The following ETV6 variants were observed in gnomAD, a reference collection of about 807,000 sequenced individuals.
ETV6 encodes ETS variant transcription factor 6, also known as transcription factor ETV6.
Under a neutral mutation model 51.1 loss-of-function variants are expected in ETV6, and 16 were observed. That is an observed-to-expected ratio of 0.31 (90% CI 0.21 to 0.48). ETV6 has a LOEUF of 0.48. Ranked by LOEUF, ETV6 falls within the 20% of genes least tolerant of loss-of-function variation. The probability of loss-of-function intolerance (pLI) is 0.99; values close to 1 mark genes in which losing one functional copy is unlikely to be tolerated. For missense variants in ETV6, 458 were observed against 594.8 expected, an observed-to-expected ratio of 0.77 and a Z score of 2.39; for synonymous variants, 240 against 224.1, an observed-to-expected ratio of 1.07 and a Z score of -0.64.
At chr12:11,722,101 A>G (rs1172351066) in intron 1 of ETV6, among the ~76,000 whole-genome samples, 2 of 152,204 alleles carry the variant, frequency 1.3e-5, no homozygotes, top group Non-Finnish European at 1.5e-5. Context: ...ACTTGACTGT[A>G]TCTGATAATT....
chr12:11,846,914 C>T (rs1268116273), intron 3 of ETV6, among the ~76,000 whole-genome samples: 1 of 152,124 alleles, frequency 6.6e-6, no homozygotes, highest in African/African-American at 2.4e-5. Flanking sequence ...GCTCTGTCGC[C>T]CAGGCTGGAG....
chr12:11,868,415 T>TG (rs200559708), intron 4 of ETV6, among the ~76,000 whole-genome samples: 3 of 149,638 alleles, frequency 2.0e-5, no homozygotes, highest in Admixed American at 6.7e-5. Flanking sequence ...GTCATAAGGT[T>TG]GGGGGTTTTT....
At chr12:11,827,109 C>CACACACAA (rs1389820925) in intron 2 of ETV6, among the ~76,000 whole-genome samples, 2 of 146,936 alleles carry the variant, frequency 1.4e-5, no homozygotes, top group African/African-American at 5.2e-5. Flanking sequence ...CACACACACA[C>CACACACAA]ACAAATGCAA....
intron 2 of ETV6, among the ~76,000 whole-genome samples, chr12:11,792,756 T>G (rs1320182556): frequency 6.6e-6 from 1 of 152,036 alleles, no homozygotes; most frequent in African/African-American, 2.4e-5. Context: ...TTTTCATTCA[T>G]CTACTGTAAA....
intron 1 of ETV6, among the ~76,000 whole-genome samples, chr12:11,661,559 A>G (rs1306914951): frequency 6.6e-6 from 1 of 152,220 alleles, no homozygotes; most frequent in Non-Finnish European, 1.5e-5. Flanking sequence ...CAGGCTGGGT[A>G]AGTCTCCTGT....
At chr12:11,826,873 C>T (rs755478469) in intron 2 of ETV6, among the ~76,000 whole-genome samples, 2 of 152,080 alleles carry the variant, frequency 1.3e-5, no homozygotes, top group Non-Finnish European at 2.9e-5. Context: ...GTTTAGCTTT[C>T]CTGACTCCAA....
Position 11,841,794 on chromosome 12 carries a change from A to T in ETV6, c.328+2490A>T, listed in dbSNP as rs183777901. On this transcript the variant is annotated intron_variant, in intron 3 of 7. Coordinates refer to ENST00000396373, the MANE Select transcript of ETV6 (RefSeq NM_001987.5). Reference sequence around the variant, plus strand: ...GAGATGAGGAAGCATGTTAAGAAGGAGATGTAGGCCGGGCGCGGTGGCTCA... The same window carrying T: ...GAGATGAGGAAGCATGTTAAGAAGGTGATGTAGGCCGGGCGCGGTGGCTCA... Among the ~76,000 whole-genome samples the T allele has an allele frequency of 1.3e-4, 20 of 152,284 alleles. No individual in the cohort carries two copies. The East Asian group carries it at 3.9e-3, about 29-fold the overall frequency.
rs1012315559 is a variant in ETV6 at position 11,891,252 on chromosome 12, C to T, written c.*206C>T. ...AGCACAGGCGGGGCTGGAATTCTGG[C>T]GGAGGGCATGAGCCTGGGACTCCAT... is the stretch of plus-strand genomic sequence containing the variant. On this transcript the variant is annotated 3_prime_UTR_variant, in exon 8 of 8. Transcript: ENST00000396373. 29 of 514,498 alleles carry T rather than the reference C, an allele frequency of 5.6e-5. No homozygotes were observed. The Admixed American group carries it at 7.2e-4, about 13-fold the overall frequency. 31.9% of individuals were successfully genotyped at this position (514,498 alleles called of 1,614,324 possible). A position where few individuals can be genotyped will look rare whatever the true frequency, so the allele number is the denominator to read the frequency against.
chr12:11,864,879 C>T (rs1289653153), intron 4 of ETV6, among the ~76,000 whole-genome samples: 1 of 152,160 alleles, frequency 6.6e-6, no homozygotes, highest in Non-Finnish European at 1.5e-5. Context: ...TCATGTCTTC[C>T]TCTGTGGTCT....
At chr12:11,824,511 G>A (rs1296121301) in intron 2 of ETV6, among the ~76,000 whole-genome samples, 4 of 152,344 alleles carry the variant, frequency 2.6e-5, no homozygotes, top group African/African-American at 7.2e-5. Context: ...AGGCATGGTG[G>A]CTCACGCCTA....
intron 4 of ETV6, among the ~76,000 whole-genome samples, chr12:11,866,708 A>C (rs1591732315): frequency 6.6e-6 from 1 of 152,148 alleles, no homozygotes; most frequent in Admixed American, 6.5e-5. Flanking sequence ...CAAACTCTGA[A>C]CTCTGTCTCC....
At chr12:11,770,532 G>A (rs918243657) in intron 2 of ETV6, among the ~76,000 whole-genome samples, 19 of 152,252 alleles carry the variant, frequency 1.2e-4, no homozygotes, top group Non-Finnish European at 2.4e-4. Flanking sequence ...TGACAGAGAG[G>A]GTCATATCTA....
chr12:11,854,951 C>G (rs1453736221), intron 4 of ETV6, among the ~76,000 whole-genome samples: 4 of 152,002 alleles, frequency 2.6e-5, no homozygotes, highest in Non-Finnish European at 5.9e-5. Context: ...TTAATTTAGG[C>G]CCTGGACCTA....
chr12:11,713,755 C>A (rs1391067454), intron 1 of ETV6, among the ~76,000 whole-genome samples: 2 of 152,184 alleles, frequency 1.3e-5, no homozygotes, highest in East Asian at 1.9e-4. Flanking sequence ...TACATCCTCC[C>A]ACTAGGACAG....
At chr12:11,759,246 T>A (rs145039803) in intron 2 of ETV6, among the ~76,000 whole-genome samples, 16 of 152,196 alleles carry the variant, frequency 1.1e-4, no homozygotes, top group East Asian at 5.8e-4. Flanking sequence ...GAGCTCTGTG[T>A]ACATTTAAGG....
intron 1 of ETV6, among the ~76,000 whole-genome samples, chr12:11,668,888 TC>T (rs1290384363): frequency 6.6e-6 from 1 of 152,136 alleles, no homozygotes; most frequent in Non-Finnish European, 1.5e-5. Flanking sequence ...CTTTGGCACA[TC>T]CCTGTGCTCA....
intron 1 of ETV6, among the ~76,000 whole-genome samples, chr12:11,661,241 C>T (rs987233069): frequency 6.6e-6 from 1 of 152,210 alleles, no homozygotes; most frequent in African/African-American, 2.4e-5. Flanking sequence ...GATCCTCCCA[C>T]CTCGGCCTCC....
intron 2 of ETV6, among the ~76,000 whole-genome samples, chr12:11,760,321 G>T (rs1945066123): frequency 6.6e-6 from 1 of 152,190 alleles, no homozygotes; most frequent in African/African-American, 2.4e-5. Flanking sequence ...TAAGATTCCA[G>T]TAATAGAAAT....
intron 4 of ETV6, among the ~76,000 whole-genome samples, chr12:11,868,538 A>G (rs1368568139): frequency 6.6e-6 from 1 of 151,026 alleles, no homozygotes; most frequent in African/African-American, 2.4e-5. Context: ...CCTGGGTTCA[A>G]GCGATTCTCA....
Sources: gnomAD v4.1 joint callset for allele counts (sites outside exome capture counted in the v4.1 genomes callset) on GRCh38, gnomAD v4.1.1 for gene constraint, MANE v1.5 for transcripts, NCBI Gene and HGNC (gene_info 2026-07-23, HGNC 2026-07-21) for gene names.